Variants in UXS1 observed in about 807,000 individuals in gnomAD.
UXS1 encodes the protein UDP-glucuronic acid decarboxylase 1.
UXS1 carries 33 observed loss-of-function variants against 62.6 expected under a neutral mutation model. The observed-to-expected ratio is 0.53, with a 90% CI of 0.40 to 0.70. The LOEUF (loss-of-function observed/expected upper bound fraction) is 0.70. UXS1 is among the 30% of genes least tolerant of loss of function. The pLI is 0.00. For missense variants in UXS1, 434 were observed against 556.3 expected (o/e 0.78, Z 2.21); for synonymous variants, 213 against 206.8 (o/e 1.03, Z -0.26).
chr2:106,126,785 G>A (rs1009645805), intron 7 of UXS1, among the ~76,000 whole-genome samples: 2 of 152,128 alleles, frequency 1.3e-5, no homozygotes, highest in African/African-American at 4.8e-5. Flanking sequence ...CCACAATCAG[G>A]ACATTGACAT....
chr2:106,162,208 C>T (rs948115129), intron 4 of UXS1, among the ~76,000 whole-genome samples: 3 of 152,146 alleles, frequency 2.0e-5, no homozygotes, highest in Admixed American at 1.3e-4. Context: ...CAAATGTTTG[C>T]CCTTTGCCAC....
chr2:106,158,253 T>C (rs949271024), intron 4 of UXS1, 135 bp from the exon 5 acceptor site: 1 of 729,860 alleles, frequency 1.4e-6, no homozygotes, highest in Non-Finnish European at 2.3e-6. Context: ...GAATGAGTGC[T>C]GGAGAAACCA....
At chr2:106,103,699 C>T (rs1355485237) in intron 11 of UXS1, among the ~76,000 whole-genome samples, 5 of 152,154 alleles carry the variant, frequency 3.3e-5, no homozygotes, top group African/African-American at 7.2e-5. Flanking sequence ...GGGCTTTTGC[C>T]CCTTGAGGCA....
At position 106,194,272 on chromosome 2, in the gene UXS1, C is replaced by A. The variant is rs1428070235; in HGVS notation, c.-31G>T. Reference sequence around the variant, plus strand: ...GGAGCCGCGCGGGTCCAGGGCCCTACCGCGCGGGGGCCCGCCTGCTGCACA... The same window carrying A: ...GGAGCCGCGCGGGTCCAGGGCCCTAACGCGCGGGGGCCCGCCTGCTGCACA... On this transcript the variant is annotated 5_prime_UTR_variant, in exon 1 of 15. Transcript: ENST00000283148. 1 of 1,242,892 alleles carries A rather than the reference C, an allele frequency of 8.0e-7. No individual in the cohort carries two copies. The highest frequency in any genetic ancestry group is 2.1e-5 in the South Asian group (1 of 48,110). The allele number at this position is 1,242,892 out of a possible 1,614,324, so 77.0% of individuals were successfully genotyped here.
At chr2:106,154,123 A>G (rs1682247773) in intron 5 of UXS1, among the ~76,000 whole-genome samples, 1 of 152,254 alleles carries the variant, frequency 6.6e-6, no homozygotes, top group African/African-American at 2.4e-5. Flanking sequence ...GTATCAGAAA[A>G]GAGAAAGGAA....
chr2:106,126,752 A>G (rs1053521520), intron 7 of UXS1, among the ~76,000 whole-genome samples: 2 of 152,206 alleles, frequency 1.3e-5, no homozygotes, highest in Non-Finnish European at 2.9e-5. Flanking sequence ...CCCCAATGCT[A>G]AAATTTGCAA....
intron 6 of UXS1, 54 bp from the exon 7 acceptor site, chr2:106,129,832 T>C: frequency 8.4e-7 from 1 of 1,188,650 alleles, no homozygotes; most frequent in Non-Finnish European, 1.2e-6. Context: ...AAAAAAATAC[T>C]GACCTCCTAG....
In UXS1 at chr2:106,102,493, C is replaced by CT. The variant is rs1677675683; in HGVS notation, c.924-1376dup. ...AGGTCAAAATTGCATAGATCACATT[C>CT]TTTAACCTGAAGCTCTTTACAAGTG... On this transcript the variant is annotated intron_variant, in intron 11 of 14. Transcript: ENST00000283148. 5.3e-5 allele frequency: 8 copies of CT among 152,278 alleles called. No individual in the cohort carries two copies. The South Asian group carries it at 1.7e-3, about 32-fold the overall frequency. 9.4% of individuals were successfully genotyped at this position (152,278 alleles called of 1,614,324 possible). A position where few individuals can be genotyped will look rare whatever the true frequency, so the allele number is the denominator to read the frequency against.
Position 106,098,775 on chromosome 2 carries a change from T to C in UXS1, c.985-2A>G. On this transcript the variant is annotated splice_acceptor_variant, in intron 12 of 14. Coordinates refer to ENST00000283148, the MANE Select transcript of UXS1 (RefSeq NM_001253875.2). LOFTEE classifies it high-confidence loss of function. ...GATTGTGTGTTCTTCTGGGTTCCCC[T>C]AAGAAAGAAACGGTTTCCAGTTATA... The C allele has an allele frequency of 6.2e-7, 1 of 1,610,950 alleles. No individual in the cohort carries two copies. Among genetic ancestry groups the C allele is most frequent in the Non-Finnish European group, 8.5e-7 (1 of 1,178,426 alleles).
chr2:106,156,982 A>G (rs1473018761), intron 5 of UXS1, among the ~76,000 whole-genome samples: 1 of 152,236 alleles, frequency 6.6e-6, no homozygotes, highest in Admixed American at 6.5e-5. Flanking sequence ...AAGTGAGAAA[A>G]GCTAGTCACA....
chr2:106,164,448 C>T (rs556903313), intron 3 of UXS1, among the ~76,000 whole-genome samples: 1 of 152,310 alleles, frequency 6.6e-6, no homozygotes, highest in South Asian at 2.1e-4. Flanking sequence ...TCATCTCTAT[C>T]TCCCAAAGGC....
In UXS1 at chr2:106,167,713, A is replaced by C. The variant is rs558240523; in HGVS notation, c.95-1630T>G. 2.0e-5 allele frequency among the ~76,000 whole-genome samples: 3 copies of C among 152,308 alleles called. No individual in the cohort carries two copies. The East Asian group carries it at 5.8e-4, about 29-fold the overall frequency. ...TATTAACTAGATTCATTATTCATTAAAAAAAATAAAAACTGCTTATGTCAG... is the reference window on the plus strand; with the variant it reads ...TATTAACTAGATTCATTATTCATTACAAAAAATAAAAACTGCTTATGTCAG... On this transcript the variant is annotated intron_variant, in intron 1 of 14. Transcript: ENST00000283148.
At chr2:106,166,107 G>A in intron 1 of UXS1, 24 bp from the exon 2 acceptor site, 2 of 1,605,958 alleles carry the variant, frequency 1.2e-6, no homozygotes, top group East Asian at 4.5e-5. Context: ...AAAAAAGGAA[G>A]TCAATGTTTA....
At chr2:106,095,324 A>T (rs1389756451) in intron 14 of UXS1, among the ~76,000 whole-genome samples, 5 of 152,192 alleles carry the variant, frequency 3.3e-5, no homozygotes, top group Non-Finnish European at 7.3e-5. Context: ...ACAGCTTGGG[A>T]TTATTCGATT....
intron 8 of UXS1, among the ~76,000 whole-genome samples, chr2:106,124,841 AT>A (rs924181550): frequency 3.3e-5 from 5 of 152,216 alleles, no homozygotes; most frequent in Admixed American, 2.0e-4. Context: ...TGTTGCTATG[AT>A]TTTTTTCATT....
intron 6 of UXS1, among the ~76,000 whole-genome samples, chr2:106,130,807 T>C (rs957082154): frequency 3.9e-5 from 6 of 152,076 alleles, no homozygotes; most frequent in Non-Finnish European, 5.9e-5. Flanking sequence ...GATGCCTGGG[T>C]CCCCAACACC....
Position 106,101,114 on chromosome 2 carries a change from G to T in UXS1, c.928C>A (p.Leu310Ile), listed in dbSNP as rs775482538. The T allele has an allele frequency of 1.2e-6, 2 of 1,613,618 alleles. No homozygotes were observed. The highest frequency in any genetic ancestry group is 1.7e-5 in the Admixed American group (1 of 59,968). Reference sequence around the variant, plus strand: ...ATGAGAGCCACGAGGCCATTCACTAGATCGCTGGAAAAAAAGGGGAGGCAG... The same window carrying T: ...ATGAGAGCCACGAGGCCATTCACTATATCGCTGGAAAAAAAGGGGAGGCAG... The part of the protein sequence containing the change: ...QTRAFQYVSD[L>I]VNGLVALMNS... Residue 310 changes from leucine to isoleucine, a missense_variant, in exon 12 of 15, where the codon CTA becomes ATA. Transcript: ENST00000283148.
At chr2:106,136,821 G>A (rs1680673600) in intron 6 of UXS1, among the ~76,000 whole-genome samples, 2 of 101,762 alleles carry the variant, frequency 2.0e-5, no homozygotes, top group Admixed American at 1.1e-4. Flanking sequence ...TAGATGACAC[G>A]TTAGTGGGTG....
At chr2:106,163,574 G>T in intron 4 of UXS1, 93 bp downstream of exon 4, 1 of 840,282 alleles carries the variant, frequency 1.2e-6, no homozygotes, top group Non-Finnish European at 1.7e-6. Context: ...ATTTATTTAG[G>T]TTGGCAGAGT....
Sources: gnomAD v4.1 joint callset for allele counts (sites outside exome capture counted in the v4.1 genomes callset) on GRCh38, gnomAD v4.1.1 for gene constraint, MANE v1.5 for transcripts, NCBI Gene and HGNC (gene_info 2026-07-23, HGNC 2026-07-21) for gene names.